DCDC1: variants seen among roughly 807,000 people sequenced by gnomAD.
DCDC1 encodes the protein doublecortin domain-containing protein 1.
A neutral mutation model predicts 178.3 loss-of-function variants in DCDC1; 200 were observed. That is an observed-to-expected ratio of 1.12 (90% CI 1.00 to 1.26). The LOEUF (loss-of-function observed/expected upper bound fraction) is 1.26, where lower values mean the gene tolerates loss of function less well. DCDC1 is among the 50% of genes most tolerant of loss of function. DCDC1 has a pLI of 0.00. For missense variants in DCDC1, 1,983 were observed against 1,749.2 expected (o/e 1.13, Z -2.38); for synonymous variants, 690 against 604.8 (o/e 1.14, Z -2.07).
At chr11:31,257,392 T>C (rs1024116476) in intron 8 of DCDC1, among the ~76,000 whole-genome samples, 4 of 152,146 alleles carry the variant, frequency 2.6e-5, no homozygotes, top group African/African-American at 7.2e-5. Flanking sequence ...ACCCAAACTA[T>C]GGCTTCACCT....
intron 20 of DCDC1, among the ~76,000 whole-genome samples, chr11:31,060,562 A>T (rs116183395): frequency 0.018 from 2,768 of 152,252 alleles, 92 homozygotes; most frequent in African/African-American, 0.063. Flanking sequence ...TAAAAGTATC[A>T]GTGGAAAATG....
intron 36 of DCDC1, chr11:30,882,888 T>C (rs1942815575): frequency 6.6e-6 from 1 of 152,182 alleles, no homozygotes; most frequent in South Asian, 2.1e-4. Context: ...TCAAAAAATA[T>C]GACTTCTGTG....
At chr11:31,334,643 A>T (rs1338782501) in intron 2 of DCDC1, among the ~76,000 whole-genome samples, 1 of 152,130 alleles carries the variant, frequency 6.6e-6, no homozygotes, top group East Asian at 1.9e-4. Context: ...CAAGTCCCTC[A>T]GCTGCAGGTC....
At chr11:31,328,080 C>T (rs538124672) in intron 3 of DCDC1, 37 bp downstream of exon 3, 1 of 1,554,746 alleles carries the variant, frequency 6.4e-7, no homozygotes, top group Admixed American at 1.8e-5. Context: ...TTATCCCCTT[C>T]AGTATTTAGT....
chr11:30,983,748 C>A (rs73467148), intron 20 of DCDC1, among the ~76,000 whole-genome samples: 1 of 152,098 alleles, frequency 6.6e-6, no homozygotes, highest in Admixed American at 6.6e-5. Flanking sequence ...CTTTAAAAAA[C>A]GTGCTTAGAG....
chr11:31,060,084 C>A (rs1023906599), intron 20 of DCDC1, among the ~76,000 whole-genome samples: 1 of 151,958 alleles, frequency 6.6e-6, no homozygotes, highest in East Asian at 1.9e-4. Context: ...AGCTTCATTT[C>A]TCCTATTTTA....
Position 31,106,830 on chromosome 11 carries a change from T to C in DCDC1, c.1718A>G (p.Gln573Arg), listed in dbSNP as rs774604232. 3 of 766,264 alleles carry C rather than the reference T, an allele frequency of 3.9e-6. No individual in the cohort carries two copies. The highest frequency in any genetic ancestry group is 4.8e-6 in the Non-Finnish European group (2 of 417,802). The allele number at this position is 766,264 out of a possible 1,614,324, so 47.5% of individuals were successfully genotyped here. A position where few individuals can be genotyped will look rare whatever the true frequency, so the allele number is the denominator to read the frequency against. The change falls in exon 13 of 39, where the codon CAA becomes CGA. Residue 573 changes from glutamine to arginine, a missense_variant. Gln to Arg is a conservative substitution (Grantham distance 43). Coordinates refer to ENST00000684477, the MANE Select transcript of DCDC1 (RefSeq NM_001387274.1). The part of the protein sequence containing the change: ...IKNPLSLKNE[Q>R]KIWVSYGRAY... Reference sequence around the variant, plus strand: ...TCTACCATAAGAGACCCAAATTTTTTGCTCATTCTTCAGCGAAAGTGGATT... The same window carrying C: ...TCTACCATAAGAGACCCAAATTTTTCGCTCATTCTTCAGCGAAAGTGGATT...
chr11:31,309,527 T>A (rs1948647000), intron 3 of DCDC1, among the ~76,000 whole-genome samples: 2 of 152,102 alleles, frequency 1.3e-5, no homozygotes, highest in South Asian at 4.1e-4. Flanking sequence ...GTTACCAAGC[T>A]CTTCAACCTG....
chr11:30,978,329 A>C (rs1950208679), intron 20 of DCDC1, among the ~76,000 whole-genome samples: 1 of 152,128 alleles, frequency 6.6e-6, no homozygotes, highest in Non-Finnish European at 1.5e-5. Context: ...CCCTTACTAC[A>C]CTACAAGTTC....
At chr11:31,152,252 C>T (rs1018668966) in intron 9 of DCDC1, among the ~76,000 whole-genome samples, 1 of 152,192 alleles carries the variant, frequency 6.6e-6, no homozygotes. Context: ...ATCCTTAACT[C>T]TGTCGCTATT....
intron 9 of DCDC1, among the ~76,000 whole-genome samples, chr11:31,221,767 A>G (rs1369367675): frequency 6.6e-6 from 1 of 152,216 alleles, no homozygotes; most frequent in Non-Finnish European, 1.5e-5. Flanking sequence ...TCTCTTTAGA[A>G]CAAGCTTCCT....
chr11:31,118,488 G>A (rs530403247), intron 11 of DCDC1, among the ~76,000 whole-genome samples: 7 of 152,200 alleles, frequency 4.6e-5, no homozygotes, highest in South Asian at 4.1e-4. Flanking sequence ...ATTTATGCTC[G>A]ATAACGTTCA....
At chr11:31,326,098 G>A (rs537659123) in intron 3 of DCDC1, among the ~76,000 whole-genome samples, 1 of 152,068 alleles carries the variant, frequency 6.6e-6, no homozygotes, top group Non-Finnish European at 1.5e-5. Context: ...CAAGAAGAGG[G>A]TTACTTCATT....
intron 20 of DCDC1, among the ~76,000 whole-genome samples, chr11:31,037,653 C>T (rs938281341): frequency 2.6e-5 from 4 of 151,840 alleles, no homozygotes; most frequent in African/African-American, 7.3e-5. Flanking sequence ...TTAGTAGAGA[C>T]GGGGTTTCAC....
At chr11:31,139,124 T>C (rs1477491396) in intron 9 of DCDC1, among the ~76,000 whole-genome samples, 1 of 152,142 alleles carries the variant, frequency 6.6e-6, no homozygotes, top group East Asian at 1.9e-4. Context: ...ACATTATATA[T>C]ATATACACGT....
intron 36 of DCDC1, among the ~76,000 whole-genome samples, chr11:30,886,633 AC>A (rs1236158738): frequency 2.0e-5 from 3 of 152,114 alleles, no homozygotes; most frequent in African/African-American, 7.2e-5. Flanking sequence ...TTAATGTTCC[AC>A]CCTTAAGACC....
At chr11:31,098,031 C>T (rs531606493) in intron 15 of DCDC1, among the ~76,000 whole-genome samples, 186 of 152,274 alleles carry the variant, frequency 1.2e-3, no homozygotes, top group Middle Eastern at 6.8e-3. Context: ...TTCCATCATA[C>T]AGAAAGTTGT....
At chr11:31,313,836 A>G (rs1358188638) in intron 3 of DCDC1, among the ~76,000 whole-genome samples, 2 of 152,128 alleles carry the variant, frequency 1.3e-5, no homozygotes, top group African/African-American at 4.8e-5. Context: ...ACACAACAAA[A>G]CCCTCACCTT....
At chr11:30,903,776 A>T (rs1260482770) in intron 31 of DCDC1, 93 bp from the exon 32 acceptor site, 1 of 1,095,390 alleles carries the variant, frequency 9.1e-7, no homozygotes, top group Non-Finnish European at 1.2e-6. Context: ...TCTGAAAAAA[A>T]AAATAATTGA....
Sources: gnomAD v4.1 joint callset for allele counts (sites outside exome capture counted in the v4.1 genomes callset) on GRCh38, gnomAD v4.1.1 for gene constraint, MANE v1.5 for transcripts, NCBI Gene and HGNC (gene_info 2026-07-23, HGNC 2026-07-21) for gene names.